The following PPFIA2 variants were observed in gnomAD, a reference collection of about 807,000 sequenced individuals.
PPFIA2 encodes the protein PPFI scaffold protein A2, also known as liprin-alpha-2.
In PPFIA2, 46 loss-of-function variants were observed where a neutral mutation model predicts 175.5. That is an observed-to-expected ratio of 0.26 (90% CI 0.21 to 0.34). PPFIA2 has a LOEUF of 0.34. PPFIA2 is among the 10% of genes least tolerant of loss of function. The pLI is 1.00. For synonymous variants in PPFIA2, 568 were observed against 511.4 expected (o/e 1.11, Z -1.49); for missense variants, 1,179 against 1,506.1 (o/e 0.78, Z 3.60).
intron 4 of PPFIA2, among the ~76,000 whole-genome samples, chr12:81,658,700 AAAT>A (rs2068219403): frequency 7.9e-5 from 12 of 151,976 alleles, no homozygotes; most frequent in Admixed American, 7.9e-4. Flanking sequence ...TGATATATAA[AAAT>A]ATGTTACATA....
chr12:81,655,918 T>A, intron 4 of PPFIA2, among the ~76,000 whole-genome samples: 1 of 152,158 alleles, frequency 6.6e-6, no homozygotes, highest in African/African-American at 2.4e-5. Context: ...TGTTAATTTT[T>A]GTATGTATAT....
At chr12:81,355,847 C>A (rs1280149369) in intron 16 of PPFIA2, among the ~76,000 whole-genome samples, 1 of 152,168 alleles carries the variant, frequency 6.6e-6, no homozygotes, top group Non-Finnish European at 1.5e-5. Flanking sequence ...GTTGTCCATG[C>A]TTTGATTGTT....
intron 14 of PPFIA2, among the ~76,000 whole-genome samples, chr12:81,366,000 TC>T (rs2033221688): frequency 2.0e-5 from 2 of 99,504 alleles, no homozygotes; most frequent in African/African-American, 7.6e-5. Flanking sequence ...CTTCCTTCCT[TC>T]CTTCCTTCCT....
intron 4 of PPFIA2, among the ~76,000 whole-genome samples, chr12:81,492,925 T>C (rs1485882452): frequency 6.6e-6 from 1 of 152,042 alleles, no homozygotes; most frequent in Non-Finnish European, 1.5e-5. Flanking sequence ...GTGTTAGCTA[T>C]GGAAGTGATT....
chr12:81,748,353 C>T (rs1419876707), intron 3 of PPFIA2, among the ~76,000 whole-genome samples: 1 of 144,514 alleles, frequency 6.9e-6, no homozygotes, highest in African/African-American at 2.4e-5. Flanking sequence ...ATCCTGTAGC[C>T]ATACCCTTTG....
intron 5 of PPFIA2, among the ~76,000 whole-genome samples, chr12:81,449,927 A>T (rs540922433): frequency 1.3e-4 from 19 of 151,924 alleles, no homozygotes; most frequent in Non-Finnish European, 1.9e-4. Flanking sequence ...GCTGAGAATG[A>T]TGGTTTCCAG....
chr12:81,409,585 A>G (rs1476253090), intron 7 of PPFIA2, among the ~76,000 whole-genome samples: 1 of 152,138 alleles, frequency 6.6e-6, no homozygotes, highest in Non-Finnish European at 1.5e-5. Flanking sequence ...CTCATGCCAG[A>G]TGCCAGTGTC....
chr12:81,583,359 T>C (rs2074702796), intron 4 of PPFIA2, among the ~76,000 whole-genome samples: 1 of 151,844 alleles, frequency 6.6e-6, no homozygotes, highest in Non-Finnish European at 1.5e-5. Context: ...CTTTTCCTTT[T>C]TTTTTTCTAA....
intron 26 of PPFIA2, 69 bp from the exon 27 acceptor site, chr12:81,281,519 T>C: frequency 9.7e-7 from 1 of 1,029,032 alleles, no homozygotes; most frequent in Non-Finnish European, 1.4e-6. Context: ...TAATATTACC[T>C]ATTATTATAA....
intron 30 of PPFIA2, among the ~76,000 whole-genome samples, chr12:81,264,615 T>C (rs1364290585): frequency 6.6e-6 from 1 of 152,208 alleles, no homozygotes; most frequent in Non-Finnish European, 1.5e-5. Context: ...TTCTATAAGG[T>C]AGGCTTTGTA....
At chr12:81,475,593 T>G (rs2057369832) in intron 4 of PPFIA2, among the ~76,000 whole-genome samples, 1 of 152,210 alleles carries the variant, frequency 6.6e-6, no homozygotes, top group African/African-American at 2.4e-5. Context: ...CCGTTGAGAT[T>G]TCTTCTGTAA....
chr12:81,480,545 T>C (rs1341097377), intron 4 of PPFIA2, among the ~76,000 whole-genome samples: 1 of 152,194 alleles, frequency 6.6e-6, no homozygotes, highest in Non-Finnish European at 1.5e-5. Context: ...TCTTCGTGGA[T>C]TTATCTACCT....
At chr12:81,735,840 A>G (rs1369275569) in intron 3 of PPFIA2, among the ~76,000 whole-genome samples, 3 of 151,854 alleles carry the variant, frequency 2.0e-5, no homozygotes, top group Admixed American at 6.6e-5. Flanking sequence ...TGAAAAGACT[A>G]TCTTCTCCAC....
At chr12:81,533,533 G>GA (rs1237807867) in intron 4 of PPFIA2, among the ~76,000 whole-genome samples, 1 of 151,428 alleles carries the variant, frequency 6.6e-6, no homozygotes, top group Non-Finnish European at 1.5e-5. Context: ...TTCCACCTTT[G>GA]AAAATTCGTG....
chr12:81,259,893 G>C (rs1413293326), intron 32 of PPFIA2: 2 of 378,440 alleles, frequency 5.3e-6, no homozygotes, highest in Admixed American at 4.3e-5. Context: ...TTTGTGGAAA[G>C]TATGGCAGTA....
chr12:81,484,578 T>C (rs1363265631), intron 4 of PPFIA2, among the ~76,000 whole-genome samples: 3 of 152,018 alleles, frequency 2.0e-5, no homozygotes, highest in Non-Finnish European at 2.9e-5. Flanking sequence ...CTCCCATGAA[T>C]TCACATAATA....
chr12:81,461,001 A>G (rs1247401758), intron 4 of PPFIA2, among the ~76,000 whole-genome samples: 1 of 152,078 alleles, frequency 6.6e-6, no homozygotes, highest in South Asian at 2.1e-4. Context: ...TTGTGTTTCA[A>G]TTTTTGGAAA....
intron 4 of PPFIA2, among the ~76,000 whole-genome samples, chr12:81,556,760 T>C (rs1243557386): frequency 6.6e-6 from 1 of 151,874 alleles, no homozygotes; most frequent in East Asian, 1.9e-4. Flanking sequence ...ATTCCACATA[T>C]GGCCTAAAAC....
intron 11 of PPFIA2, among the ~76,000 whole-genome samples, chr12:81,374,410 T>C (rs1470456736): frequency 1.3e-5 from 2 of 152,164 alleles, no homozygotes; most frequent in Non-Finnish European, 1.5e-5. Flanking sequence ...TTACTTGTTT[T>C]GTTAATGTTT....
Sources: allele counts gnomAD v4.1 joint callset (sites outside exome capture counted in the v4.1 genomes callset), GRCh38; gene constraint gnomAD v4.1.1; transcripts MANE v1.5; gene names NCBI Gene and HGNC (gene_info 2026-07-23, HGNC 2026-07-21).